The following PAN3 variants were observed in gnomAD, a reference collection of about 807,000 sequenced individuals.
PAN3 encodes the protein poly(A) specific ribonuclease subunit PAN3.
Under a neutral mutation model 96.2 loss-of-function variants are expected in PAN3, and 19 were observed. The observed-to-expected ratio is 0.20, with a 90% confidence interval of 0.14 to 0.29. The LOEUF (loss-of-function observed/expected upper bound fraction) is 0.29. Among genes scored for constraint, PAN3 ranks in the 10% least tolerant of loss-of-function variants. The probability of loss-of-function intolerance (pLI) is 1.00; values close to 1 mark genes in which losing one functional copy is unlikely to be tolerated. For synonymous variants in PAN3, 433 were observed against 406.6 expected, an observed-to-expected ratio of 1.06 and a Z score of -0.78; for missense variants, 882 against 1,108.1, an observed-to-expected ratio of 0.80 and a Z score of 2.90.
intron 1 of PAN3, among the ~76,000 whole-genome samples, chr13:28,141,675 C>G (rs1391873454): frequency 6.6e-6 from 1 of 152,038 alleles, no homozygotes; most frequent in African/African-American, 2.4e-5. Flanking sequence ...CCATGTTGGT[C>G]AGGCTGGTCT....
intron 1 of PAN3, among the ~76,000 whole-genome samples, chr13:28,150,391 C>T (rs138382932): frequency 0.02 from 2,964 of 151,982 alleles, 107 homozygotes; most frequent in African/African-American, 0.068. Context: ...TTTGGGAGGC[C>T]GAGGCGGGCA....
At chr13:28,154,972 C>G (rs1459375022) in intron 1 of PAN3, among the ~76,000 whole-genome samples, 1 of 151,780 alleles carries the variant, frequency 6.6e-6, no homozygotes, top group Non-Finnish European at 1.5e-5. Context: ...AGTCGCCCAC[C>G]ACCATGCCCG....
intron 1 of PAN3, among the ~76,000 whole-genome samples, chr13:28,163,143 A>G (rs920196824): frequency 1.3e-5 from 2 of 151,932 alleles, no homozygotes; most frequent in African/African-American, 2.4e-5. Context: ...TCCTAAGCCC[A>G]GGAGTTCGAG....
intron 1 of PAN3, among the ~76,000 whole-genome samples, chr13:28,140,422 TAGGC>T (rs1869580805): frequency 6.6e-6 from 1 of 152,222 alleles, no homozygotes; most frequent in African/African-American, 2.4e-5. Flanking sequence ...AATAATCTGA[TAGGC>T]AGTTCAATTT....
chr13:28,181,548 T>G (rs951071721), intron 4 of PAN3, among the ~76,000 whole-genome samples: 30 of 138,474 alleles, frequency 2.2e-4, no homozygotes, highest in Non-Finnish European at 4.1e-4. Context: ...CAAAACAAAG[T>G]ACAGAAGGGT....
chr13:28,241,036 A>G (rs1883614017), intron 6 of PAN3, among the ~76,000 whole-genome samples: 1 of 152,194 alleles, frequency 6.6e-6, no homozygotes, highest in Non-Finnish European at 1.5e-5. Flanking sequence ...CCGAGGTGGC[A>G]AGGTTGCTTG....
intron 1 of PAN3, among the ~76,000 whole-genome samples, chr13:28,159,284 G>C (rs965471715): frequency 6.6e-6 from 1 of 152,136 alleles, no homozygotes; most frequent in African/African-American, 2.4e-5. Context: ...AAAAAGAACA[G>C]GATAATGTCC....
intron 4 of PAN3, among the ~76,000 whole-genome samples, chr13:28,179,822 G>A (rs770755825): frequency 1.3e-5 from 2 of 152,192 alleles, no homozygotes; most frequent in Non-Finnish European, 1.5e-5. Flanking sequence ...TTAGTGGGAT[G>A]TGTCTTAAAG....
At chr13:28,247,110 A>G (rs1185009151) in intron 6 of PAN3, among the ~76,000 whole-genome samples, 1 of 151,998 alleles carries the variant, frequency 6.6e-6, no homozygotes, top group East Asian at 1.9e-4. Flanking sequence ...GATAAAAGCC[A>G]CTTTAACTGG....
At chr13:28,263,686 C>G (rs1264520884) in intron 9 of PAN3, among the ~76,000 whole-genome samples, 1 of 152,104 alleles carries the variant, frequency 6.6e-6, no homozygotes, top group African/African-American at 2.4e-5. Flanking sequence ...TATCTCAAGC[C>G]ACATTAAAAA....
At position 28,215,733 on chromosome 13, in the gene PAN3, C is replaced by T. The variant is rs1593490712; in HGVS notation, c.853-4498C>T. ...CATTGTTGATATAGTTCCTGGCAAG[C>T]CCATGTGTGCTGAGAGCTTCTCAGA... On this transcript the variant is annotated intron_variant, in intron 5 of 18. Coordinates refer to ENST00000380958, the MANE Select transcript of PAN3 (RefSeq NM_175854.8). 1.3e-5 allele frequency: 19 copies of T among 1,498,288 alleles called. No homozygotes were observed. In the East Asian group the frequency reaches 4.5e-4, roughly 35 times the overall value. The allele number at this position is 1,498,288 out of a possible 1,614,324, so 92.8% of individuals were successfully genotyped here.
At chr13:28,224,531 TCA>T (rs1881787566) in intron 6 of PAN3, among the ~76,000 whole-genome samples, 1 of 152,194 alleles carries the variant, frequency 6.6e-6, no homozygotes, top group Non-Finnish European at 1.5e-5. Flanking sequence ...AGAAAATGAG[TCA>T]CAGTGATTTT....
At chr13:28,249,053 C>T (rs1884469684) in intron 6 of PAN3, among the ~76,000 whole-genome samples, 2 of 151,994 alleles carry the variant, frequency 1.3e-5, no homozygotes, top group South Asian at 4.2e-4. Context: ...TGATAGTTTC[C>T]TATGAGTTAC....
intron 14 of PAN3, among the ~76,000 whole-genome samples, chr13:28,274,568 G>A (rs1385031567): frequency 9.3e-5 from 14 of 150,230 alleles, no homozygotes; most frequent in Admixed American, 1.3e-4. Flanking sequence ...GTTATGAGTC[G>A]TGTAGTTACC....
intron 1 of PAN3, among the ~76,000 whole-genome samples, chr13:28,149,299 G>C (rs1871074669): frequency 6.6e-6 from 1 of 152,100 alleles, no homozygotes; most frequent in Admixed American, 6.6e-5. Context: ...GGAGGTAGAG[G>C]ATGCAGTGAG....
intron 1 of PAN3, among the ~76,000 whole-genome samples, chr13:28,166,706 T>C (rs561296850): frequency 6.6e-6 from 1 of 152,340 alleles, no homozygotes; most frequent in South Asian, 2.1e-4. Context: ...TAGCCATGCC[T>C]CTGAGTGTAC....
chr13:28,212,147 A>C (rs762645883), intron 5 of PAN3, among the ~76,000 whole-genome samples: 1 of 152,246 alleles, frequency 6.6e-6, no homozygotes, highest in African/African-American at 2.4e-5. Flanking sequence ...GATCACAGTC[A>C]ACAATTCTCA....
Position 28,237,773 on chromosome 13 carries a change from A to G in PAN3, c.1000+17395A>G, listed in dbSNP as rs950062345. 5.3e-5 allele frequency among the ~76,000 whole-genome samples: 8 copies of G among 152,160 alleles called. No individual in the cohort carries two copies. The East Asian group carries it at 1.5e-3, about 29-fold the overall frequency. On this transcript the variant is annotated intron_variant, in intron 6 of 18. Transcript: ENST00000380958. ...CATGAAAATCATGAATTCCATGGGT[A>G]AGTTGTGTACTCATGTGTTCAAGTT...
rs994817250 is a variant in PAN3, at chr13:28,231,398, C to T, written c.1000+11020C>T. The stretch of plus-strand genomic sequence containing the variant: ...ATTGAGGACTGTGTGTTTGATAAAG[C>T]TCAGGTTAAATTCATCATATAAATT... On this transcript the variant is annotated intron_variant, in intron 6 of 18. Transcript: ENST00000380958. Among the ~76,000 whole-genome samples the T allele has an allele frequency of 3.9e-5, 6 of 152,090 alleles. No homozygotes were observed. In the East Asian group the frequency reaches 7.7e-4, roughly 20 times the overall value.
Sources: gnomAD v4.1 joint callset for allele counts (sites outside exome capture counted in the v4.1 genomes callset) on GRCh38, gnomAD v4.1.1 for gene constraint, MANE v1.5 for transcripts, NCBI Gene and HGNC (gene_info 2026-07-23, HGNC 2026-07-21) for gene names.